Variants in SNX19 observed in about 807,000 individuals in gnomAD.
The protein encoded by SNX19 is sorting nexin 19.
In SNX19, 60 loss-of-function variants were observed where a neutral mutation model predicts 85.2. That is an observed-to-expected ratio of 0.70 (90% CI 0.57 to 0.87). SNX19 has a LOEUF of 0.87. Ranked by LOEUF, SNX19 falls within the 40% of genes least tolerant of loss-of-function variation. The probability of loss-of-function intolerance (pLI) is 0.00; values close to 1 mark genes in which losing one functional copy is unlikely to be tolerated. For missense variants in SNX19, 1,201 were observed against 1,217.8 expected, an observed-to-expected ratio of 0.99 and a Z score of 0.21; for synonymous variants, 520 against 470.0, an observed-to-expected ratio of 1.11 and a Z score of -1.38.
At chr11:130,885,575 G>C (rs956840324) in intron 8 of SNX19, among the ~76,000 whole-genome samples, 6 of 152,186 alleles carry the variant, frequency 3.9e-5, no homozygotes, top group African/African-American at 1.4e-4. Flanking sequence ...AATCAGTATG[G>C]CTTAATGAAG....
At chr11:130,892,969 G>A (rs1944598558) in intron 8 of SNX19, 1 of 152,298 alleles carries the variant, frequency 6.6e-6, no homozygotes, top group Non-Finnish European at 1.5e-5. Context: ...AGTCCGTGGA[G>A]GGGAAAGGGC....
rs1943324093 is a variant in SNX19, at chr11:130,877,422, TA to T, written c.*999del. On this transcript the variant is annotated 3_prime_UTR_variant, in exon 11 of 11. Coordinates refer to ENST00000265909, the MANE Select transcript of SNX19 (RefSeq NM_014758.3). ...AAGAAGCTATTCCTTGTAAGTTTGCTAATCTTATCTGTTCAGAATAATAAAA... is the reference window on the plus strand; with the variant it reads ...AAGAAGCTATTCCTTGTAAGTTTGCTATCTTATCTGTTCAGAATAATAAAA... 1 of 152,226 alleles carries T rather than the reference TA, an allele frequency of 6.6e-6. No individual in the cohort carries two copies. Among genetic ancestry groups the T allele is most frequent in the South Asian group, 2.1e-4 (1 of 4,830 alleles). 9.4% of individuals were successfully genotyped at this position (152,226 alleles called of 1,614,324 possible).
chr11:130,888,512 A>G (rs1944249992), intron 8 of SNX19, among the ~76,000 whole-genome samples: 1 of 152,212 alleles, frequency 6.6e-6, no homozygotes, highest in Admixed American at 6.5e-5. Flanking sequence ...GAATCCATAC[A>G]CAATGTAACT....
At chr11:130,885,759 T>G (rs1944013880) in intron 8 of SNX19, among the ~76,000 whole-genome samples, 1 of 128,698 alleles carries the variant, frequency 7.8e-6, no homozygotes, top group African/African-American at 2.7e-5. Flanking sequence ...CAAGGGCAAT[T>G]ATGCTCCAAC....
At position 130,915,992 on chromosome 11, in the gene SNX19, C is replaced by A; in HGVS notation, c.-53G>T. 6.6e-7 allele frequency: 1 copy of A among 1,504,532 alleles called. No individual in the cohort carries two copies. The highest frequency in any genetic ancestry group is 2.4e-5 in the East Asian group (1 of 42,332). 93.2% of individuals were successfully genotyped at this position (1,504,532 alleles called of 1,614,324 possible). On this transcript the variant is annotated 5_prime_UTR_variant, in exon 1 of 11. An upstream open reading frame in the 5' UTR gains an earlier in-frame stop. Coordinates refer to ENST00000265909, the MANE Select transcript of SNX19 (RefSeq NM_014758.3). The stretch of plus-strand genomic sequence containing the variant: ...GATGACAGCCCTCAAGATTTTACTT[C>A]AGAGTTAGGGAAGGGGGGCATGAAC...
intron 2 of SNX19, 88 bp from the exon 3 acceptor site, chr11:130,910,458 T>C (rs1359536611): frequency 1.1e-6 from 1 of 926,342 alleles, no homozygotes; most frequent in Non-Finnish European, 1.6e-6. Flanking sequence ...AAAACAGAAC[T>C]ATTGAATATA....
rs1942976731 is a variant in SNX19 at position 130,870,438 on chromosome 11, A to G, written c.*7984T>C. Among the ~76,000 whole-genome samples, 1 of 152,236 alleles carries G rather than the reference A, an allele frequency of 6.6e-6. No homozygotes were observed. The highest frequency in any genetic ancestry group is 1.5e-5 in the Non-Finnish European group (1 of 68,042). On this transcript the variant is annotated 3_prime_UTR_variant, in exon 11 of 11. Coordinates refer to ENST00000265909, the MANE Select transcript of SNX19 (RefSeq NM_014758.3). ...GGGGTAGCCTCTGATGAAACATTTG[A>G]GTAATGGATTTCTTTACCTCACCTA... is the stretch of plus-strand genomic sequence containing the variant.
intron 5 of SNX19, 150 bp from the exon 6 acceptor site, chr11:130,906,871 C>T (rs527468072): frequency 9.5e-6 from 6 of 630,890 alleles, no homozygotes; most frequent in South Asian, 3.8e-5. Context: ...AGGAAAGACT[C>T]GGCCCTGCAA....
chr11:130,906,661 T>C lies in SNX19; in HGVS notation c.2226A>G (p.Gln742=), dbSNP rs61909161. ...CCTGGAGACAATAAAGAATCTTGTCTTGTGCTTCAGTCACACTTAGTGCTG... is the reference window on the plus strand; with the variant it reads ...CCTGGAGACAATAAAGAATCTTGTCCTGTGCTTCAGTCACACTTAGTGCTG... The part of the protein sequence containing the change: ...ISPALSVTEA[Q]DKILYCLQEG... Residue 742 remains glutamine (Q), a synonymous_variant, in exon 6 of 11, where the codon CAA becomes CAG. Transcript: ENST00000265909. The C allele has an allele frequency of 0.08, 128,357 of 1,609,960 alleles. 6,216 individuals are homozygous for C. Among genetic ancestry groups the C allele is most frequent in the Non-Finnish European group, 0.094 (110,518 of 1,176,212 alleles).
chr11:130,914,044 T>G (rs908619850), intron 1 of SNX19, among the ~76,000 whole-genome samples: 1 of 152,186 alleles, frequency 6.6e-6, no homozygotes, highest in Admixed American at 6.5e-5. Flanking sequence ...AATATAACCC[T>G]CAGCATTCTA....
rs564430444 is a variant in SNX19, at chr11:130,908,003, A to G, written c.2115T>C (p.Ser705=). The G allele has an allele frequency of 8.1e-6, 13 of 1,614,036 alleles. No individual in the cohort carries two copies. The African/African-American group carries it at 1.7e-4, about 22-fold the overall frequency. ...SEPQSPTEEL[S]EAETESKPQT... is the part of the protein sequence containing the mutation. ...GGGGCTTGCTTTCGGTCTCGGCCTC[A>G]CTCAGCTCCTCTGTGGGGCTCTGGG... The change falls in exon 5 of 11, where the codon AGT becomes AGC. Residue 705 remains serine, a synonymous_variant. Transcript: ENST00000265909.
At chr11:130,900,530 T>C (rs962665130) in intron 8 of SNX19, among the ~76,000 whole-genome samples, 2 of 152,184 alleles carry the variant, frequency 1.3e-5, no homozygotes, top group Non-Finnish European at 2.9e-5. Flanking sequence ...TCCCAGAATA[T>C]AGGTATTTCT....
chr11:130,889,876 T>C (rs1944377989), intron 8 of SNX19, among the ~76,000 whole-genome samples: 1 of 152,180 alleles, frequency 6.6e-6, no homozygotes, highest in South Asian at 2.1e-4. Context: ...CAAGGTTAGC[T>C]ATTCATTCTC....
rs199592034 is a variant in SNX19 at position 130,879,634 on chromosome 11, G to A, written c.2836C>T (p.Leu946Phe). The A allele has an allele frequency of 6.2e-6, 10 of 1,613,870 alleles. No individual in the cohort carries two copies. The highest frequency in any genetic ancestry group is 8.5e-6 in the Non-Finnish European group (10 of 1,179,860). ...CATTTTCCCACTTACCTGTTGATGA[G>A]GGGTTGTTGTAGTGACTCCAGGACT... Reference protein sequence around the residue: ...GLVLESLQQPLINRHLIYCLG... With the variant: ...GLVLESLQQPFINRHLIYCLG... Residue 946 changes from leucine (L) to phenylalanine (F), a missense_variant, in exon 10 of 11, where the codon CTC (leucine) becomes TTC (phenylalanine). Physicochemically the swap from Leu to Phe is conservative, Grantham distance 22. Around this residue, in one of 3 missense-constraint regions of SNX19, gnomAD observed 285 missense variants for 295.3 expected, o/e 0.97. Transcript: ENST00000265909.
intron 3 of SNX19, 52 bp downstream of exon 3, chr11:130,910,218 G>A (rs1945993709): frequency 6.2e-7 from 1 of 1,611,844 alleles, no homozygotes; most frequent in Non-Finnish European, 8.5e-7. Context: ...GTGTTCTGGG[G>A]TTAGACACCC....
In SNX19 at chr11:130,911,655, T is replaced by C; in HGVS notation, c.1791A>G (p.Pro597=). The change falls in exon 2 of 11, where the codon CCA becomes CCG. Residue 597 remains proline (P), a synonymous_variant. Coordinates refer to ENST00000265909, the MANE Select transcript of SNX19 (RefSeq NM_014758.3). ...GACTTTTGATGAACTTTCGTAGATC[T>C]GGTTTCTCCTCCAGACGGGTCTGCA... ...LNLQTRLEEK[P]DLRKFIKNVK... 6.2e-7 allele frequency: 1 copy of C among 1,614,192 alleles called. No homozygotes were observed. The highest frequency in any genetic ancestry group is 2.2e-5 in the East Asian group (1 of 44,876).
intron 8 of SNX19, among the ~76,000 whole-genome samples, chr11:130,891,100 T>A (rs915686302): frequency 6.6e-6 from 1 of 152,158 alleles, no homozygotes. Flanking sequence ...TATTCATGCT[T>A]ACAGAGGAAG....
In SNX19 at chr11:130,916,391, C is replaced by T. The variant is rs113805348; in HGVS notation, c.-452G>A. 785 of 157,250 alleles carry T rather than the reference C, an allele frequency of 5.0e-3. 9 individuals are homozygous for T. Among genetic ancestry groups the T allele is most frequent in the African/African-American group, 0.018 (734 of 41,700 alleles). The allele number at this position is 157,250 out of a possible 1,614,324, so 9.7% of individuals were successfully genotyped here. A position where few individuals can be genotyped will look rare whatever the true frequency, so the allele number is the denominator to read the frequency against. ...TCATCGCGGTCCTCTCCGGGAGCCT[C>T]GGCCCTCTGCCGCCGTAAACCTGGG... On this transcript the variant is annotated 5_prime_UTR_variant, in exon 1 of 11. Transcript: ENST00000265909.
In SNX19 at chr11:130,872,994, G is replaced by T. The variant is rs537813440; in HGVS notation, c.*5428C>A. On this transcript the variant is annotated 3_prime_UTR_variant, in exon 11 of 11. Coordinates refer to ENST00000265909, the MANE Select transcript of SNX19 (RefSeq NM_014758.3). ...AACAAGGCATCTCCAAATGCTCCCT[G>T]CCCCTCAAACAGCAGAGGAGTGTGA... 2.0e-4 allele frequency among the ~76,000 whole-genome samples: 30 copies of T among 152,284 alleles called. No homozygotes were observed. Among genetic ancestry groups the T allele is most frequent in the African/African-American group, 6.0e-4 (25 of 41,564 alleles).
Sources: gnomAD v4.1 joint callset for allele counts (sites outside exome capture counted in the v4.1 genomes callset) on GRCh38, gnomAD v4.1.1 for gene constraint, gnomAD v4.1.1 regional missense constraint, MANE v1.5 for transcripts, NCBI Gene and HGNC (gene_info 2026-07-23, HGNC 2026-07-21) for gene names.